FBLN7: variants seen among roughly 807,000 people sequenced by gnomAD.
FBLN7 encodes the protein fibulin 7.
In FBLN7, 31 loss-of-function variants were observed where a neutral mutation model predicts 44.0. That is an observed-to-expected ratio of 0.70 (90% confidence interval 0.53 to 0.95). FBLN7 has a LOEUF of 0.95. Among genes scored for constraint, FBLN7 ranks in the 40% least tolerant of loss-of-function variants. The pLI, the probability that FBLN7 is intolerant of heterozygous loss-of-function variation, is 0.00. For missense variants in FBLN7, 573 were observed against 618.5 expected (o/e 0.93, Z 0.78); for synonymous variants, 262 against 253.4 (o/e 1.03, Z -0.32).
chr2:112,174,840 G>A (rs1682654813), intron 3 of FBLN7, among the ~76,000 whole-genome samples: 1 of 152,118 alleles, frequency 6.6e-6, no homozygotes, highest in Admixed American at 6.6e-5. Context: ...CTCCCAAGTA[G>A]CTGGGATTAC....
chr2:112,234,060 G>GT, the FBLN7 span: 1 of 971,366 alleles, frequency 1.0e-6, no homozygotes, highest in Non-Finnish European at 1.5e-6. Flanking sequence ...AATTAAAAGA[G>GT]TATCAAACAG....
intron 3 of FBLN7, among the ~76,000 whole-genome samples, chr2:112,174,367 C>A (rs1314263830): frequency 1.3e-5 from 2 of 152,166 alleles, no homozygotes; most frequent in African/African-American, 4.8e-5. Flanking sequence ...GGTGGTCTGT[C>A]TTTTTGCAAC....
At chr2:112,182,543 G>T (rs1467012043) in intron 5 of FBLN7, among the ~76,000 whole-genome samples, 1 of 151,578 alleles carries the variant, frequency 6.6e-6, no homozygotes, top group Non-Finnish European at 1.5e-5. Context: ...CCTTTCTAGG[G>T]CCTAGCACTT....
chr2:112,174,900 C>T (rs997131424), intron 3 of FBLN7, among the ~76,000 whole-genome samples: 4 of 151,812 alleles, frequency 2.6e-5, no homozygotes, highest in Non-Finnish European at 4.4e-5. Context: ...GGTTTTAAAA[C>T]AATCATTTTT....
At chr2:112,197,234 A>AACACACACAC in the FBLN7 span, among the ~76,000 whole-genome samples, 2,214 of 89,248 alleles carry the variant, frequency 0.025, 62 homozygotes, top group Non-Finnish European at 0.027. Context: ...CGTAAGAGAA[A>AACACACACAC]ACACACACAC....
the FBLN7 span, among the ~76,000 whole-genome samples, chr2:112,197,270 CACACAGAG>C: frequency 7.9e-5 from 10 of 126,340 alleles, no homozygotes; most frequent in African/African-American, 2.8e-4. Context: ...CACACACACA[CACACAGAG>C]AGAGAGAGAG....
chr2:112,225,758 A>G, the FBLN7 span, among the ~76,000 whole-genome samples: 25 of 152,176 alleles, frequency 1.6e-4, no homozygotes, highest in Non-Finnish European at 3.5e-4. Context: ...CGGAAGTTGC[A>G]GTGAGCCAAG....
intron 1 of FBLN7, among the ~76,000 whole-genome samples, chr2:112,147,935 T>C (rs1157729780): frequency 6.6e-6 from 1 of 151,982 alleles, no homozygotes; most frequent in Non-Finnish European, 1.5e-5. Flanking sequence ...AATCCTACAG[T>C]TGGGAGCAAG....
chr2:112,170,267 C>CAGAAAAGAAA (rs367719806), intron 3 of FBLN7, among the ~76,000 whole-genome samples: 1 of 146,338 alleles, frequency 6.8e-6, no homozygotes, highest in African/African-American at 2.5e-5. Context: ...AAAACAAAAA[C>CAGAAAAGAAA]AGAAAAGAAA....
At chr2:112,235,025 TA>T in the FBLN7 span, among the ~76,000 whole-genome samples, 1 of 152,100 alleles carries the variant, frequency 6.6e-6, no homozygotes, top group Non-Finnish European at 1.5e-5. Context: ...AAGATGGTGA[TA>T]AAGGTATAAA....
At chr2:112,197,266 CACACACACAGAGAGAGAG>C in the FBLN7 span, among the ~76,000 whole-genome samples, 6 of 130,162 alleles carry the variant, frequency 4.6e-5, no homozygotes, top group South Asian at 5.3e-4. Flanking sequence ...CACACACACA[CACACACACAGAGAGAGAG>C]AGAGAGAGAG....
intron 6 of FBLN7, among the ~76,000 whole-genome samples, chr2:112,183,925 C>A (rs1336956187): frequency 6.6e-6 from 1 of 152,162 alleles, no homozygotes; most frequent in African/African-American, 2.4e-5. Context: ...CACTACAGGA[C>A]AAGTCCCAGG....
chr2:112,226,306 C>T, the FBLN7 span, among the ~76,000 whole-genome samples: 4 of 151,042 alleles, frequency 2.6e-5, no homozygotes, highest in East Asian at 3.9e-4. Context: ...TAAAAAAAAG[C>T]GGCTGGGCGC....
intron 2 of FBLN7, among the ~76,000 whole-genome samples, chr2:112,162,663 G>A (rs1681938790): frequency 6.6e-6 from 1 of 152,158 alleles, no homozygotes; most frequent in African/African-American, 2.4e-5. Context: ...CTAGAGAAGG[G>A]CCTTCAGCTC....
chr2:112,182,729 G>T (rs183971080), intron 5 of FBLN7, 62 bp from the exon 6 acceptor site: 2 of 1,523,178 alleles, frequency 1.3e-6, no homozygotes, highest in South Asian at 1.3e-5. Context: ...ATTGTTCTGG[G>T]TCACAGCTGG....
At chr2:112,240,990 T>C in the FBLN7 span, among the ~76,000 whole-genome samples, 3 of 127,518 alleles carry the variant, frequency 2.4e-5, no homozygotes, top group Non-Finnish European at 5.4e-5. Flanking sequence ...TGTGTGCGCG[T>C]GTGTATGTGT....
intron 1 of FBLN7, chr2:112,151,233 T>C (rs1477093557): frequency 1.3e-5 from 2 of 152,208 alleles, no homozygotes; most frequent in African/African-American, 4.8e-5. Context: ...CTGAGTACAT[T>C]GTCAGGGTCC....
chr2:112,143,506 A>G (rs1376888753), intron 1 of FBLN7, among the ~76,000 whole-genome samples: 1 of 152,124 alleles, frequency 6.6e-6, no homozygotes, highest in Non-Finnish European at 1.5e-5. Flanking sequence ...CATTTGATAC[A>G]TTGCTTTTTA....
At chr2:112,150,226 G>C (rs550234629) in intron 1 of FBLN7, among the ~76,000 whole-genome samples, 1 of 152,288 alleles carries the variant, frequency 6.6e-6, no homozygotes, top group South Asian at 2.1e-4. Flanking sequence ...CTGAAGGAGG[G>C]GCTGGGGTCA....
Sources: gnomAD v4.1 joint callset for allele counts (sites outside exome capture counted in the v4.1 genomes callset) on GRCh38, gnomAD v4.1.1 for gene constraint, MANE v1.5 for transcripts, NCBI Gene and HGNC (gene_info 2026-07-23, HGNC 2026-07-21) for gene names.